PDPN: variants seen among roughly 807,000 people sequenced by gnomAD.
The protein encoded by PDPN is podoplanin.
Under a neutral mutation model 23.2 loss-of-function variants are expected in PDPN, and 12 were observed. That is an observed-to-expected ratio of 0.52 (90% CI 0.33 to 0.84). The LOEUF (loss-of-function observed/expected upper bound fraction) is 0.84, where lower values mean the gene tolerates loss of function less well. Ranked by LOEUF, PDPN falls within the 40% of genes least tolerant of loss-of-function variation. PDPN has a pLI of 0.02. For missense variants in PDPN, 199 were observed against 212.2 expected, an observed-to-expected ratio of 0.94 and a Z score of 0.39; for synonymous variants, 77 against 76.7, an observed-to-expected ratio of 1.00 and a Z score of -0.02.
intron 3 of PDPN, among the ~76,000 whole-genome samples, chr1:13,611,984 C>T (rs1432511388): frequency 6.6e-6 from 1 of 152,112 alleles, no homozygotes; most frequent in Admixed American, 6.6e-5. Context: ...ATTCTGCCAT[C>T]CATGTTGAAT....
At chr1:13,613,568 C>A in intron 3 of PDPN, 119 bp from the exon 4 acceptor site, 1 of 656,480 alleles carries the variant, frequency 1.5e-6, no homozygotes. Context: ...ATTTAAGAAG[C>A]CATCCTCTTG....
chr1:13,606,767 A>G (rs1235038293), intron 1 of PDPN, among the ~76,000 whole-genome samples: 1 of 152,208 alleles, frequency 6.6e-6, no homozygotes, highest in African/African-American at 2.4e-5. Flanking sequence ...GTGTTTAGAA[A>G]TCTTTCCTGT....
At chr1:13,607,390 T>A in intron 2 of PDPN, 84 bp downstream of exon 2, 2 of 971,942 alleles carry the variant, frequency 2.1e-6, no homozygotes, top group Non-Finnish European at 2.9e-6. Context: ...TTACTTTATA[T>A]AAAAATATAT....
chr1:13,606,573 C>T (rs547862858), intron 1 of PDPN, among the ~76,000 whole-genome samples: 170 of 152,040 alleles, frequency 1.1e-3, no homozygotes, highest in Middle Eastern at 6.8e-3. Context: ...GAGACTGAGA[C>T]GGGAGGATCG....
At chr1:13,602,377 G>GTAT (rs1640669165) in intron 1 of PDPN, among the ~76,000 whole-genome samples, 2 of 151,978 alleles carry the variant, frequency 1.3e-5, no homozygotes, top group East Asian at 3.9e-4. Flanking sequence ...CATTCTTAAG[G>GTAT]TATGAACAGT....
At chr1:13,611,481 A>C (rs1343952998) in intron 3 of PDPN, among the ~76,000 whole-genome samples, 1 of 152,228 alleles carries the variant, frequency 6.6e-6, no homozygotes, top group Non-Finnish European at 1.5e-5. Flanking sequence ...AGTACAAAAA[A>C]AAATACTGCA....
chr1:13,602,282 C>G (rs1002392379), intron 1 of PDPN, among the ~76,000 whole-genome samples: 1 of 151,920 alleles, frequency 6.6e-6, no homozygotes, highest in Non-Finnish European at 1.5e-5. Flanking sequence ...GAGCCGAGAT[C>G]GTGCCACTGT....
At chr1:13,591,102 T>C (rs1044398276) in intron 1 of PDPN, among the ~76,000 whole-genome samples, 2 of 151,984 alleles carry the variant, frequency 1.3e-5, no homozygotes, top group Non-Finnish European at 2.9e-5. Context: ...CCACCACGCC[T>C]GGCTAATCTT....
Position 13,614,375 on chromosome 1 carries a change from T to C in PDPN, c.446T>C (p.Ile149Thr). Residue 149 changes from isoleucine to threonine, a missense_variant, in exon 5 of 6, where the codon ATC (isoleucine) becomes ACC (threonine). Coordinates refer to ENST00000621990, the MANE Select transcript of PDPN (RefSeq NM_006474.5). Reference sequence around the variant, plus strand: ...GCCATCGGCTTCATTGGTGCAATCATCGTTGTGGTTATGCGAAAAATGTCG... The same window carrying C: ...GCCATCGGCTTCATTGGTGCAATCACCGTTGTGGTTATGCGAAAAATGTCG... ...LLAIGFIGAI[I>T]VVVMRKMSGR... 1 of 1,602,866 alleles carries C rather than the reference T, an allele frequency of 6.2e-7. No individual in the cohort carries two copies. Among genetic ancestry groups the C allele is most frequent in the South Asian group, 1.1e-5 (1 of 90,870 alleles).
At chr1:13,592,813 G>C (rs552300715) in intron 1 of PDPN, among the ~76,000 whole-genome samples, 5 of 152,222 alleles carry the variant, frequency 3.3e-5, no homozygotes, top group Admixed American at 6.5e-5. Context: ...GCCTCCCAAA[G>C]TGCTGGGATT....
intron 5 of PDPN, 122 bp downstream of exon 5, chr1:13,614,533 T>C: frequency 1.5e-6 from 1 of 663,388 alleles, no homozygotes; most frequent in Non-Finnish European, 2.7e-6. Flanking sequence ...GCCTGTAGTC[T>C]CAGCTGCTGG....
chr1:13,596,874 C>G (rs1242398275), intron 1 of PDPN, among the ~76,000 whole-genome samples: 1 of 152,148 alleles, frequency 6.6e-6, no homozygotes, highest in Non-Finnish European at 1.5e-5. Flanking sequence ...CATTTTTGAA[C>G]TGAGCTGAAG....
Position 13,614,325 on chromosome 1 carries a change from T to G in PDPN, c.396T>G (p.Val132=). 1 of 1,603,330 alleles carries G rather than the reference T, an allele frequency of 6.2e-7. No homozygotes were observed. The highest frequency in any genetic ancestry group is 8.5e-7 in the Non-Finnish European group (1 of 1,170,202). Residue 132 remains valine (V), a synonymous_variant, in exon 5 of 6, where the codon GTT becomes GTG. Transcript: ENST00000621990. ...EKDGLSTVTL[V]GIIVGVLLAI... is the part of the protein sequence containing the mutation. ...ATGGTTTGTCAACAGTGACCCTGGT[T>G]GGAATCATAGTTGGGGTCTTACTAG... is the stretch of plus-strand genomic sequence containing the variant.
At chr1:13,611,396 C>T (rs1355767154) in intron 3 of PDPN, among the ~76,000 whole-genome samples, 1 of 150,790 alleles carries the variant, frequency 6.6e-6, no homozygotes, top group Admixed American at 6.6e-5. Flanking sequence ...TATTATTCAG[C>T]CTTGAAAATG....
chr1:13,614,891 GTC>G, intron 5 of PDPN: 1 of 496,830 alleles, frequency 2.0e-6, no homozygotes, highest in Non-Finnish European at 4.0e-6. Context: ...AAATAAGAGA[GTC>G]AGAGCCAGAG....
At chr1:13,605,935 A>G (rs562387889) in intron 1 of PDPN, among the ~76,000 whole-genome samples, 1 of 151,702 alleles carries the variant, frequency 6.6e-6, no homozygotes, top group African/African-American at 2.4e-5. Flanking sequence ...AACCTTTCTC[A>G]TTGGCATGAC....
At chr1:13,604,801 C>T (rs1297727592) in intron 1 of PDPN, among the ~76,000 whole-genome samples, 1 of 152,146 alleles carries the variant, frequency 6.6e-6, no homozygotes, top group Non-Finnish European at 1.5e-5. Context: ...GGATATTTCC[C>T]ATTGAGCTCA....
intron 1 of PDPN, among the ~76,000 whole-genome samples, chr1:13,603,663 C>T (rs1640706815): frequency 6.6e-6 from 1 of 151,514 alleles, no homozygotes; most frequent in Admixed American, 6.6e-5. Flanking sequence ...ATCTCAGCTC[C>T]CTGCAACCTC....
chr1:13,608,256 T>G (rs1030852224), intron 2 of PDPN, among the ~76,000 whole-genome samples: 2 of 152,164 alleles, frequency 1.3e-5, no homozygotes, highest in African/African-American at 4.8e-5. Flanking sequence ...TGAATTTTAA[T>G]TAACTCCTCA....
Sources: gnomAD v4.1 joint callset for allele counts (sites outside exome capture counted in the v4.1 genomes callset) on GRCh38, gnomAD v4.1.1 for gene constraint, MANE v1.5 for transcripts, NCBI Gene and HGNC (gene_info 2026-07-23, HGNC 2026-07-21) for gene names.